SLC24A3: variants seen among roughly 807,000 people sequenced by gnomAD.
The protein encoded by SLC24A3 is sodium/potassium/calcium exchanger 3.
In SLC24A3, 28 loss-of-function variants were observed where a neutral mutation model predicts 75.8. The observed-to-expected ratio is 0.37, with a 90% confidence interval of 0.27 to 0.51. SLC24A3 has a LOEUF of 0.51. Among genes scored for constraint, SLC24A3 ranks in the 20% least tolerant of loss-of-function variants. The probability of loss-of-function intolerance (pLI) is 0.94; values close to 1 mark genes in which losing one functional copy is unlikely to be tolerated. For synonymous variants in SLC24A3, 372 were observed against 334.1 expected (o/e 1.11, Z -1.24); for missense variants, 663 against 847.8 (o/e 0.78, Z 2.71).
At chr20:19,610,065 A>C (rs558062051) in intron 6 of SLC24A3, among the ~76,000 whole-genome samples, 2 of 152,174 alleles carry the variant, frequency 1.3e-5, no homozygotes, top group Non-Finnish European at 2.9e-5. Flanking sequence ...ACAGTCCATC[A>C]CCCCAATTCC....
chr20:19,409,847 G>GTATATA (rs548789154), intron 2 of SLC24A3, among the ~76,000 whole-genome samples: 13 of 146,208 alleles, frequency 8.9e-5, no homozygotes, highest in African/African-American at 2.3e-4. Context: ...GTGTGTGTGT[G>GTATATA]TATATATATA....
chr20:19,628,968 A>G (rs1473704619), intron 6 of SLC24A3, among the ~76,000 whole-genome samples: 1 of 152,156 alleles, frequency 6.6e-6, no homozygotes, highest in Non-Finnish European at 1.5e-5. Flanking sequence ...ATACAAAACA[A>G]CAACAACAAA....
intron 1 of SLC24A3, among the ~76,000 whole-genome samples, chr20:19,256,098 C>CTAATAATAATAATAA (rs3058400): frequency 7.1e-4 from 106 of 149,422 alleles, no homozygotes; most frequent in Middle Eastern, 3.4e-3. Context: ...GACCCTGTCT[C>CTAATAATAATAATAA]TAATAATAAT....
intron 2 of SLC24A3, among the ~76,000 whole-genome samples, chr20:19,289,189 C>T (rs1264637710): frequency 1.1e-4 from 16 of 152,078 alleles, no homozygotes; most frequent in Admixed American, 1.0e-3. Context: ...CTCCTCCTGC[C>T]CCCACCCACT....
intron 2 of SLC24A3, among the ~76,000 whole-genome samples, chr20:19,315,206 G>T (rs1984557509): frequency 6.6e-6 from 1 of 152,184 alleles, no homozygotes; most frequent in African/African-American, 2.4e-5. Context: ...GGTTTCCTCT[G>T]TGCTGGGCAG....
At chr20:19,255,666 TCCAATACGGGAG>T (rs1982792481) in intron 1 of SLC24A3, among the ~76,000 whole-genome samples, 1 of 152,194 alleles carries the variant, frequency 6.6e-6, no homozygotes, top group East Asian at 1.9e-4. Flanking sequence ...ATCTGTGCTG[TCCAATACGGGAG>T]CCATGAGCCA....
chr20:19,293,273 C>G (rs1983984457), intron 2 of SLC24A3, among the ~76,000 whole-genome samples: 1 of 152,142 alleles, frequency 6.6e-6, no homozygotes, highest in Non-Finnish European at 1.5e-5. Flanking sequence ...CTGCACCTCC[C>G]CACTCTCAGC....
chr20:19,315,042 G>A (rs546098492), intron 2 of SLC24A3, among the ~76,000 whole-genome samples: 1 of 152,192 alleles, frequency 6.6e-6, no homozygotes, highest in Non-Finnish European at 1.5e-5. Flanking sequence ...CCAGTGTGCT[G>A]GCAATCAGGT....
At chr20:19,438,350 T>C (rs923241757) in intron 2 of SLC24A3, among the ~76,000 whole-genome samples, 1 of 152,208 alleles carries the variant, frequency 6.6e-6, no homozygotes, top group Admixed American at 6.5e-5. Context: ...CTGAGTGATA[T>C]AAAGATGGTC....
intron 2 of SLC24A3, among the ~76,000 whole-genome samples, chr20:19,480,841 T>C (rs1166330657): frequency 2.0e-5 from 3 of 152,200 alleles, no homozygotes; most frequent in Non-Finnish European, 4.4e-5. Flanking sequence ...CTTACTGGTT[T>C]TATTGTCCTC....
At chr20:19,560,592 C>T (rs1184945195) in intron 3 of SLC24A3, among the ~76,000 whole-genome samples, 1 of 152,208 alleles carries the variant, frequency 6.6e-6, no homozygotes, top group African/African-American at 2.4e-5. Context: ...CACTGGATCA[C>T]TGCTATTCCA....
intron 2 of SLC24A3, among the ~76,000 whole-genome samples, chr20:19,419,208 T>C (rs959589155): frequency 3.9e-5 from 6 of 152,128 alleles, no homozygotes; most frequent in Admixed American, 2.6e-4. Context: ...CCTGGTGACA[T>C]AAAGGATCTG....
intron 2 of SLC24A3, among the ~76,000 whole-genome samples, chr20:19,452,698 C>T: frequency 6.6e-6 from 1 of 151,876 alleles, no homozygotes; most frequent in Non-Finnish European, 1.5e-5. Context: ...ATATTAGCAA[C>T]TGATTGAAAA....
intron 3 of SLC24A3, among the ~76,000 whole-genome samples, chr20:19,542,019 T>C (rs1423566148): frequency 1.3e-5 from 2 of 152,112 alleles, no homozygotes; most frequent in African/African-American, 4.8e-5. Context: ...GAATCCAAGA[T>C]ATCTCACTCC....
At chr20:19,585,167 C>A in intron 5 of SLC24A3, 112 bp downstream of exon 5, 4 of 954,912 alleles carry the variant, frequency 4.2e-6, no homozygotes, top group Non-Finnish European at 6.3e-6. Context: ...AAATGATAAT[C>A]CAGGGACCCC....
At chr20:19,702,415 G>A (rs1451829478) in intron 15 of SLC24A3, among the ~76,000 whole-genome samples, 1 of 152,106 alleles carries the variant, frequency 6.6e-6, no homozygotes. Flanking sequence ...AATTATACAA[G>A]GGCCACATTA....
At chr20:19,294,258 TAATC>T (rs1160315367) in intron 2 of SLC24A3, among the ~76,000 whole-genome samples, 1 of 152,230 alleles carries the variant, frequency 6.6e-6, no homozygotes, top group African/African-American at 2.4e-5. Context: ...AAATTACTTT[TAATC>T]AATAAACACT....
chr20:19,654,935 C>T (rs1030504595), intron 7 of SLC24A3, among the ~76,000 whole-genome samples: 2 of 152,270 alleles, frequency 1.3e-5, no homozygotes, highest in South Asian at 4.1e-4. Flanking sequence ...GCATGAGCCA[C>T]AGCACCCAGT....
intron 2 of SLC24A3, among the ~76,000 whole-genome samples, chr20:19,429,491 C>G (rs1283739205): frequency 6.6e-6 from 1 of 152,182 alleles, no homozygotes; most frequent in East Asian, 1.9e-4. Context: ...ATCTCTAATA[C>G]TTTGTATCTA....
Sources: gnomAD v4.1 joint callset for allele counts (sites outside exome capture counted in the v4.1 genomes callset) on GRCh38, gnomAD v4.1.1 for gene constraint, MANE v1.5 for transcripts, NCBI Gene and HGNC (gene_info 2026-07-23, HGNC 2026-07-21) for gene names.